KCNQ5: variants seen among roughly 807,000 people sequenced by gnomAD.
KCNQ5 encodes the protein potassium voltage-gated channel subfamily Q member 5, also known as potassium voltage-gated channel subfamily KQT member 5.
KCNQ5 carries 30 observed loss-of-function variants against 98.2 expected under a neutral mutation model. That is an observed-to-expected ratio of 0.31 (90% confidence interval 0.23 to 0.41). The LOEUF is 0.41. KCNQ5 is among the 10% of genes least tolerant of loss of function. KCNQ5 has a pLI of 1.00. For synonymous variants in KCNQ5, 458 were observed against 449.4 expected, an observed-to-expected ratio of 1.02 and a Z score of -0.24; for missense variants, 835 against 1,182.5, an observed-to-expected ratio of 0.71 and a Z score of 4.31.
intron 1 of KCNQ5, among the ~76,000 whole-genome samples, chr6:72,850,275 A>C (rs1362799820): frequency 6.6e-6 from 1 of 152,178 alleles, no homozygotes; most frequent in African/African-American, 2.4e-5. Flanking sequence ...TCTGGACTTG[A>C]GTTTGAATCT....
At chr6:73,095,712 ACAAGT>A (rs1462916691) in intron 5 of KCNQ5, among the ~76,000 whole-genome samples, 2 of 152,084 alleles carry the variant, frequency 1.3e-5, no homozygotes, top group African/African-American at 4.8e-5. Flanking sequence ...TAGCCACCCA[ACAAGT>A]CTTCCAGACT....
At chr6:72,720,118 C>T (rs1379083206) in intron 1 of KCNQ5, among the ~76,000 whole-genome samples, 7 of 152,142 alleles carry the variant, frequency 4.6e-5, no homozygotes, top group Admixed American at 1.3e-4. Context: ...TGTCCTTTGT[C>T]CCATTCTGAG....
intron 10 of KCNQ5, chr6:73,135,764 T>C (rs1357370011): frequency 6.6e-6 from 1 of 152,224 alleles, no homozygotes; most frequent in Non-Finnish European, 1.5e-5. Context: ...CAAAAATTTA[T>C]TTTCTCACAG....
chr6:72,799,868 T>A (rs1774543280), intron 1 of KCNQ5, among the ~76,000 whole-genome samples: 1 of 152,272 alleles, frequency 6.6e-6, no homozygotes, highest in Admixed American at 6.5e-5. Flanking sequence ...CCAAATAGTG[T>A]AACAGAGAAT....
At chr6:73,082,886 C>T (rs1773835331) in intron 5 of KCNQ5, among the ~76,000 whole-genome samples, 1 of 122,440 alleles carries the variant, frequency 8.2e-6, no homozygotes. Flanking sequence ...CATTACCAAA[C>T]CTTTTTTTTT....
intron 9 of KCNQ5, among the ~76,000 whole-genome samples, chr6:73,125,168 T>G (rs928224629): frequency 4.6e-5 from 7 of 151,420 alleles, no homozygotes; most frequent in Admixed American, 2.6e-4. Context: ...ATCCCCATCT[T>G]TTAGGAAGAA....
intron 3 of KCNQ5, among the ~76,000 whole-genome samples, chr6:73,051,684 G>C (rs1772241429): frequency 8.4e-6 from 1 of 119,584 alleles, no homozygotes; most frequent in Admixed American, 1.0e-4. Context: ...AAACCTTCCA[G>C]GGCATCAAAG....
chr6:72,986,335 G>C (rs1362780907), intron 1 of KCNQ5: 1 of 361,262 alleles, frequency 2.8e-6, no homozygotes, highest in Non-Finnish European at 5.1e-6. Flanking sequence ...TGTGGAGGTG[G>C]GGAAGTTTGG....
chr6:73,136,866 T>G (rs1017373348), intron 10 of KCNQ5: 2 of 152,202 alleles, frequency 1.3e-5, no homozygotes, highest in African/African-American at 4.8e-5. Flanking sequence ...AAATAATATA[T>G]AACACTTATA....
intron 1 of KCNQ5, among the ~76,000 whole-genome samples, chr6:72,825,129 A>C (rs1775934328): frequency 6.6e-6 from 1 of 151,892 alleles, no homozygotes; most frequent in Non-Finnish European, 1.5e-5. Flanking sequence ...GGGAGAAAAA[A>C]ACAAAACAAA....
At chr6:73,153,632 T>C (rs1381991909) in intron 10 of KCNQ5, among the ~76,000 whole-genome samples, 1 of 152,038 alleles carries the variant, frequency 6.6e-6, no homozygotes, top group Admixed American at 6.6e-5. Context: ...TTTGAAGACA[T>C]ATGAGGACAT....
chr6:72,638,422 C>T (rs1410699838), intron 1 of KCNQ5, among the ~76,000 whole-genome samples: 1 of 152,080 alleles, frequency 6.6e-6, no homozygotes, highest in African/African-American at 2.4e-5. Context: ...AGTTTTCTTC[C>T]AGGCTTCAGG....
chr6:72,645,384 T>A, intron 1 of KCNQ5, among the ~76,000 whole-genome samples: 1 of 88,950 alleles, frequency 1.1e-5, no homozygotes. Context: ...AGACCTTGTC[T>A]CAAGGAAAAA....
intron 10 of KCNQ5, among the ~76,000 whole-genome samples, chr6:73,165,296 C>T (rs1482603779): frequency 2.0e-5 from 3 of 152,070 alleles, no homozygotes; most frequent in Non-Finnish European, 4.4e-5. Flanking sequence ...TACTGGGACT[C>T]CTGATAAAGT....
chr6:72,676,218 A>G (rs567417510), intron 1 of KCNQ5, among the ~76,000 whole-genome samples: 6 of 152,322 alleles, frequency 3.9e-5, no homozygotes, highest in Admixed American at 1.3e-4. Flanking sequence ...AAGACACATC[A>G]GCATGCACAT....
chr6:72,724,077 A>C (rs1045968229), intron 1 of KCNQ5, among the ~76,000 whole-genome samples: 18 of 152,194 alleles, frequency 1.2e-4, no homozygotes, highest in Admixed American at 2.6e-4. Flanking sequence ...AGATGTTTAT[A>C]TATTTTATAT....
At chr6:73,186,058 A>G (rs1045856055) in intron 11 of KCNQ5, among the ~76,000 whole-genome samples, 16 of 143,256 alleles carry the variant, frequency 1.1e-4, no homozygotes, top group Non-Finnish European at 1.7e-4. Context: ...GACCCCCCCT[A>G]TCTCTGCAAA....
At position 73,098,393 on chromosome 6, in the gene KCNQ5, A is replaced by G. The variant is rs181480780; in HGVS notation, c.919-6864A>G. On this transcript the variant is annotated intron_variant, in intron 5 of 13. Coordinates refer to ENST00000370398, the MANE Select transcript of KCNQ5 (RefSeq NM_019842.4). ...GAACTTCCCAAACCTAGAGAAAGAT[A>G]TCAATATTCAAGTAAAAGAAGGCTA... 7.2e-5 allele frequency among the ~76,000 whole-genome samples: 11 copies of G among 152,328 alleles called. No homozygotes were observed. The South Asian group carries it at 1.2e-3, about 17-fold the overall frequency.
At chr6:72,873,145 C>T (rs1778280447) in intron 1 of KCNQ5, among the ~76,000 whole-genome samples, 1 of 152,020 alleles carries the variant, frequency 6.6e-6, no homozygotes. Flanking sequence ...TGTTTTCATT[C>T]TCTATAAATA....
Sources: gnomAD v4.1 joint callset for allele counts (sites outside exome capture counted in the v4.1 genomes callset) on GRCh38, gnomAD v4.1.1 for gene constraint, MANE v1.5 for transcripts, NCBI Gene and HGNC (gene_info 2026-07-23, HGNC 2026-07-21) for gene names.